The following NAALADL2 variants were observed in gnomAD, a reference collection of about 807,000 sequenced individuals.
NAALADL2 encodes inactive N-acetylated-alpha-linked acidic dipeptidase-like protein 2.
In NAALADL2, 76 loss-of-function variants were observed where a neutral mutation model predicts 87.2. That is an observed-to-expected ratio of 0.87 (90% confidence interval 0.72 to 1.05). The LOEUF is 1.05. NAALADL2 is among the 50% of genes least tolerant of loss of function. NAALADL2 has a pLI of 0.00. For synonymous variants in NAALADL2, 354 were observed against 331.0 expected, an observed-to-expected ratio of 1.07 and a Z score of -0.75; for missense variants, 1,089 against 945.8, an observed-to-expected ratio of 1.15 and a Z score of -1.99.
intron 2 of NAALADL2, among the ~76,000 whole-genome samples, chr3:175,110,157 G>T (rs1426991452): frequency 6.6e-6 from 1 of 151,786 alleles, no homozygotes; most frequent in African/African-American, 2.4e-5. Context: ...AATAATAAGA[G>T]AAATGTATTT....
chr3:174,539,644 G>T (rs531084649), intron 1 of NAALADL2, among the ~76,000 whole-genome samples: 1 of 151,852 alleles, frequency 6.6e-6, no homozygotes, highest in African/African-American at 2.4e-5. Context: ...TTTTTGTTGT[G>T]GCCACATCAA....
intron 3 of NAALADL2, among the ~76,000 whole-genome samples, chr3:175,246,182 CTG>C (rs1747939895): frequency 6.6e-6 from 1 of 152,240 alleles, no homozygotes; most frequent in Non-Finnish European, 1.5e-5. Flanking sequence ...TGGATAATCA[CTG>C]TGATTTTGCA....
At chr3:174,623,263 G>A (rs62284674) in intron 2 of NAALADL2, among the ~76,000 whole-genome samples, 17,529 of 152,140 alleles carry the variant, frequency 0.12, 1,181 homozygotes, top group East Asian at 0.31. Flanking sequence ...TACAGCAATA[G>A]CAACAGGAAG....
intron 3 of NAALADL2, among the ~76,000 whole-genome samples, chr3:174,777,135 G>C (rs1715308064): frequency 6.6e-6 from 1 of 151,892 alleles, no homozygotes; most frequent in South Asian, 2.1e-4. Flanking sequence ...TTGATATTTT[G>C]GACACCAGCC....
At chr3:174,506,302 TC>T (rs1719202322) in intron 1 of NAALADL2, among the ~76,000 whole-genome samples, 1 of 151,634 alleles carries the variant, frequency 6.6e-6, no homozygotes, top group African/African-American at 2.4e-5. Flanking sequence ...TGTCTCAGCC[TC>T]CCGAGTAGCT....
intron 5 of NAALADL2, among the ~76,000 whole-genome samples, chr3:175,343,676 T>TC (rs35136535): frequency 1.4e-5 from 2 of 144,926 alleles, no homozygotes; most frequent in South Asian, 2.2e-4. Context: ...TTTTTTTTTT[T>TC]CCCTTCCCAC....
chr3:174,991,970 A>G (rs982964969), intron 1 of NAALADL2, among the ~76,000 whole-genome samples: 15 of 152,028 alleles, frequency 9.9e-5, no homozygotes, highest in African/African-American at 3.6e-4. Flanking sequence ...TGACCTTAAT[A>G]AATATAAATT....
chr3:174,773,603 T>G (rs1326565970), intron 3 of NAALADL2, among the ~76,000 whole-genome samples: 2 of 152,160 alleles, frequency 1.3e-5, no homozygotes, highest in Non-Finnish European at 2.9e-5. Context: ...ATTTTTATGT[T>G]TAGGGTTCCA....
At chr3:175,791,398 A>G (rs1752758304) in intron 13 of NAALADL2, among the ~76,000 whole-genome samples, 2 of 152,138 alleles carry the variant, frequency 1.3e-5, no homozygotes, top group South Asian at 4.1e-4. Context: ...AGATATTTGT[A>G]TTTGAGCTAG....
At chr3:174,564,739 A>G (rs1021444820) in intron 2 of NAALADL2, among the ~76,000 whole-genome samples, 4 of 152,136 alleles carry the variant, frequency 2.6e-5, no homozygotes, top group Non-Finnish European at 5.9e-5. Context: ...TTATTATAAC[A>G]AAATTGTCCT....
In NAALADL2 at chr3:175,628,306, C is replaced by A. The variant is rs114184138; in HGVS notation, c.1896+920C>A. Among the ~76,000 whole-genome samples the A allele has an allele frequency of 6.3e-3, 950 of 151,582 alleles. 6 individuals carry two copies. Among genetic ancestry groups the A allele is most frequent in the Non-Finnish European group, 0.011 (711 of 67,614 alleles). On this transcript the variant is annotated intron_variant, in intron 11 of 13. Coordinates refer to ENST00000454872, the MANE Select transcript of NAALADL2 (RefSeq NM_207015.3). ...CTGAGCATATTTAAGATAGGCTGGG[C>A]GAAGATAAGATGTTCAGTAGGTTAT... is the stretch of plus-strand genomic sequence containing the variant.
In NAALADL2 at chr3:175,637,728, C is replaced by T. The variant is rs529727473; in HGVS notation, c.1896+10342C>T. Among the ~76,000 whole-genome samples the T allele has an allele frequency of 4.6e-5, 7 of 152,240 alleles. No homozygotes were observed. The East Asian group carries it at 5.8e-4, about 13-fold the overall frequency. On this transcript the variant is annotated intron_variant, in intron 11 of 13. Transcript: ENST00000454872. Reference sequence around the variant, plus strand: ...CATGCTTCTTGTACAGTCTGCAAAACGGCAAGCCAAATAAATAGTATAAAC... The same window carrying T: ...CATGCTTCTTGTACAGTCTGCAAAATGGCAAGCCAAATAAATAGTATAAAC...
intron 1 of NAALADL2, among the ~76,000 whole-genome samples, chr3:174,882,980 A>C (rs899649967): frequency 2.0e-5 from 3 of 151,860 alleles, no homozygotes; most frequent in Admixed American, 2.0e-4. Context: ...AAGGTTTCGC[A>C]ATAGCCCGTC....
chr3:175,451,896 T>G (rs1300261140), intron 6 of NAALADL2, among the ~76,000 whole-genome samples: 1 of 152,116 alleles, frequency 6.6e-6, no homozygotes, highest in Non-Finnish European at 1.5e-5. Flanking sequence ...TGTTTATAAT[T>G]TTTACGTATT....
At chr3:175,607,935 C>G (rs1203927825) in intron 10 of NAALADL2, among the ~76,000 whole-genome samples, 1 of 32,862 alleles carries the variant, frequency 3.0e-5, no homozygotes, top group Admixed American at 4.0e-4. Flanking sequence ...ACACACACAT[C>G]ATATTCAATC....
chr3:175,487,721 A>T (rs2149335917), intron 9 of NAALADL2: 1 of 318,240 alleles, frequency 3.1e-6, no homozygotes, highest in East Asian at 8.0e-5. Flanking sequence ...AATAAATGCA[A>T]ACAGTGTCTG....
intron 1 of NAALADL2, among the ~76,000 whole-genome samples, chr3:174,923,782 C>T (rs1735579439): frequency 6.6e-6 from 1 of 152,000 alleles, no homozygotes; most frequent in Non-Finnish European, 1.5e-5. Context: ...ATTCAAATAC[C>T]TTGGTACTTT....
At chr3:175,545,097 T>G (rs904001161) in intron 9 of NAALADL2, among the ~76,000 whole-genome samples, 7 of 152,108 alleles carry the variant, frequency 4.6e-5, no homozygotes, top group African/African-American at 1.7e-4. Flanking sequence ...TCCAAAAACA[T>G]TATTAGAGAG....
At chr3:175,423,028 A>AAATATATATAT (rs1438736874) in intron 5 of NAALADL2, among the ~76,000 whole-genome samples, 9 of 111,306 alleles carry the variant, frequency 8.1e-5, no homozygotes, top group African/African-American at 3.3e-4. Context: ...GAAAAAAAAA[A>AAATATATATAT]ATATATATAT....
Sources: gnomAD v4.1 joint callset for allele counts (sites outside exome capture counted in the v4.1 genomes callset) on GRCh38, gnomAD v4.1.1 for gene constraint, MANE v1.5 for transcripts, NCBI Gene and HGNC (gene_info 2026-07-23, HGNC 2026-07-21) for gene names.